Variants in CACNA2D4 observed in about 807,000 individuals in gnomAD.
CACNA2D4 encodes the protein calcium voltage-gated channel auxiliary subunit alpha2delta 4.
In CACNA2D4, 157 loss-of-function variants were observed where a neutral mutation model predicts 163.8. The observed-to-expected ratio is 0.96, with a 90% CI of 0.84 to 1.09. The LOEUF is 1.09. CACNA2D4 is among the 50% of genes least tolerant of loss of function. The probability of loss-of-function intolerance (pLI) is 0.00; values close to 1 mark genes in which losing one functional copy is unlikely to be tolerated. For synonymous variants in CACNA2D4, 598 were observed against 586.9 expected (o/e 1.02, Z -0.27); for missense variants, 1,410 against 1,479.9 (o/e 0.95, Z 0.78).
At chr12:1,845,151 G>A (rs769388284) in intron 24 of CACNA2D4, among the ~76,000 whole-genome samples, 3 of 152,136 alleles carry the variant, frequency 2.0e-5, no homozygotes, top group African/African-American at 4.8e-5. Context: ...GGTTTTGAGA[G>A]TGACGGGCTC....
chr12:1,855,623 T>A (rs1865382708), intron 22 of CACNA2D4, among the ~76,000 whole-genome samples: 1 of 152,190 alleles, frequency 6.6e-6, no homozygotes, highest in African/African-American at 2.4e-5. Flanking sequence ...CTTGTGGAGA[T>A]GAGGACTTCT....
At chr12:1,797,722 T>G in intron 34 of CACNA2D4, 187 bp from the exon 35 acceptor site, 7 of 618,050 alleles carry the variant, frequency 1.1e-5, no homozygotes, top group Non-Finnish European at 8.7e-6. Flanking sequence ...CCGGAGTCTC[T>G]GGAGAGGGTG....
intron 18 of CACNA2D4, among the ~76,000 whole-genome samples, chr12:1,861,092 T>C (rs1335401707): frequency 6.6e-6 from 1 of 152,240 alleles, no homozygotes; most frequent in Non-Finnish European, 1.5e-5. Flanking sequence ...CATTTTGCAG[T>C]TGGCCCAGGA....
chr12:1,843,066 G>C lies in CACNA2D4; in HGVS notation c.2470+1336C>G, dbSNP rs902576872. Among the ~76,000 whole-genome samples, 3 of 152,196 alleles carry C rather than the reference G, an allele frequency of 2.0e-5. No individual in the cohort carries two copies. Among genetic ancestry groups the C allele is most frequent in the Admixed American group, 2.0e-4 (3 of 15,276 alleles). On this transcript the variant is annotated intron_variant, in intron 25 of 37. Transcript: ENST00000382722. The surrounding 1 kb of genome is among the most constrained non-coding windows in gnomAD (Gnocchi z 4.6). ...CTCCTTGTGTAAGTTGAGGGATAAT[G>C]ACGGCACTTATCTCATGGGGTTGTC...
In CACNA2D4 at chr12:1,793,695, GGCA is replaced by G; in HGVS notation, c.3371_3373del (p.Leu1124del). The G allele has an allele frequency of 6.2e-7, 1 of 1,613,812 alleles. No individual in the cohort carries two copies. Among genetic ancestry groups the G allele is most frequent in the Non-Finnish European group, 8.5e-7 (1 of 1,179,902 alleles). On this transcript the variant is annotated inframe_deletion, in exon 38 of 38. Transcript: ENST00000382722. ...GGGCAGTAGCCCCCAGGCACACACA[GGCA>G]GCAGGAGTAGGGGCGGCGAGGCTGA...
At chr12:1,904,226 G>A (rs1176460368) in intron 6 of CACNA2D4, among the ~76,000 whole-genome samples, 1 of 151,946 alleles carries the variant, frequency 6.6e-6, no homozygotes, top group Non-Finnish European at 1.5e-5. Context: ...GCTGGGAAGG[G>A]TAGCGATGGG....
In CACNA2D4 at chr12:1,918,231, T is replaced by G; in HGVS notation, c.227+16A>C. 1 of 1,580,346 alleles carries G rather than the reference T, an allele frequency of 6.3e-7. No homozygotes were observed. The highest frequency in any genetic ancestry group is 1.3e-5 in the African/African-American group (1 of 74,110). On this transcript the variant is annotated intron_variant, in intron 1 of 37. Transcript: ENST00000382722. The stretch of plus-strand genomic sequence containing the variant: ...GGTGACCGGGTTTTTGGGGTGGGGT[T>G]GAACGTGATGCTTACGTTTCCAGAG...
At chr12:1,895,255 T>C (rs952842482) in intron 6 of CACNA2D4, among the ~76,000 whole-genome samples, 1 of 152,106 alleles carries the variant, frequency 6.6e-6, no homozygotes, top group African/African-American at 2.4e-5. Flanking sequence ...AGATTTTATG[T>C]TTATGGACTG....
chr12:1,812,508 A>T (rs1268523423), intron 26 of CACNA2D4, among the ~76,000 whole-genome samples: 4 of 152,266 alleles, frequency 2.6e-5, no homozygotes, highest in African/African-American at 7.2e-5. Context: ...ATTGAAAAGA[A>T]GAAGAATTTC....
chr12:1,840,287 C>T (rs982161065), intron 26 of CACNA2D4, among the ~76,000 whole-genome samples: 3 of 148,618 alleles, frequency 2.0e-5, no homozygotes, highest in Non-Finnish European at 3.0e-5. Flanking sequence ...GAGCTCTGCC[C>T]GCCAGCCTTT....
chr12:1,906,406 T>C (rs1428758161), intron 6 of CACNA2D4, among the ~76,000 whole-genome samples: 1 of 152,196 alleles, frequency 6.6e-6, no homozygotes, highest in African/African-American at 2.4e-5. Context: ...AGAAATTATT[T>C]GCAAATCACA....
rs1054180053 is a variant in CACNA2D4, at chr12:1,843,820, G to T, written c.2470+582C>A. On this transcript the variant is annotated intron_variant, in intron 25 of 37. Transcript: ENST00000382722. This position sits in a 1 kb window ranked among gnomAD's most constrained non-coding sequence, Gnocchi z 4.6. Reference sequence around the variant, plus strand: ...TGGTCCCTGGCCGTGCAGGGATTTTGTGGTTGCCTCATACCCCACCCTCCC... The same window carrying T: ...TGGTCCCTGGCCGTGCAGGGATTTTTTGGTTGCCTCATACCCCACCCTCCC... Among the ~76,000 whole-genome samples the T allele has an allele frequency of 1.1e-4, 16 of 152,160 alleles. No individual in the cohort carries two copies. The highest frequency in any genetic ancestry group is 9.2e-4 in the Admixed American group (14 of 15,278).
At position 1,844,178 on chromosome 12, in the gene CACNA2D4, A is replaced by G. The variant is rs1040719708; in HGVS notation, c.2470+224T>C. ...ACTTTGATGGCTGGCTAGGGAATCA[A>G]ATGATCAGGCTCACCTTCAGCGTGG... On this transcript the variant is annotated intron_variant, in intron 25 of 37. Transcript: ENST00000382722. This position sits in a 1 kb window ranked among gnomAD's most constrained non-coding sequence, Gnocchi z 4.2. Among the ~76,000 whole-genome samples, 2 of 152,188 alleles carry G rather than the reference A, an allele frequency of 1.3e-5. No individual in the cohort carries two copies. The highest frequency in any genetic ancestry group is 3.8e-4 in the East Asian group (2 of 5,200).
chr12:1,808,871 C>G, intron 29 of CACNA2D4, among the ~76,000 whole-genome samples: 1 of 152,182 alleles, frequency 6.6e-6, no homozygotes, highest in East Asian at 1.9e-4. Context: ...GTCCGGTGCT[C>G]TGTCTGGGGA....
chr12:1,858,266 G>C (rs777841772), intron 20 of CACNA2D4, among the ~76,000 whole-genome samples: 82 of 152,150 alleles, frequency 5.4e-4, no homozygotes, highest in Non-Finnish European at 9.7e-4. Flanking sequence ...TTTCAGCTTT[G>C]AGCTTTGTTT....
At chr12:1,890,344 T>C (rs1179048938) in intron 6 of CACNA2D4, among the ~76,000 whole-genome samples, 3 of 152,152 alleles carry the variant, frequency 2.0e-5, no homozygotes, top group Non-Finnish European at 2.9e-5. Context: ...GATCTTCATA[T>C]CCCTGGAGAA....
rs538094575 is a variant in CACNA2D4 at position 1,860,321 on chromosome 12, T to G, written c.1879-115A>C. 22 of 745,010 alleles carry G rather than the reference T, an allele frequency of 3.0e-5. 1 individual carries two copies. Among genetic ancestry groups the G allele is most frequent in the South Asian group, 2.8e-4 (19 of 66,950 alleles). 46.1% of individuals were successfully genotyped at this position (745,010 alleles called of 1,614,324 possible). A position where few individuals can be genotyped will look rare whatever the true frequency, so the allele number is the denominator to read the frequency against. On this transcript the variant is annotated intron_variant, in intron 18 of 37. Transcript: ENST00000382722. ...GTCACTGTACAGTCCCTCCGCCTTC[T>G]TGTCTCCTCCCTGACCAGCCCCTAC...
chr12:1,842,947 G>A (rs992794802), intron 25 of CACNA2D4, among the ~76,000 whole-genome samples: 3 of 152,130 alleles, frequency 2.0e-5, no homozygotes, highest in African/African-American at 7.2e-5. Context: ...GTGTGGTAAC[G>A]GGGCCTGGGC....
In CACNA2D4 at chr12:1,801,229, C is replaced by G. The variant is rs1166246638; in HGVS notation, c.2793-111G>C. The G allele has an allele frequency of 2.0e-5, 17 of 847,182 alleles. No individual in the cohort carries two copies. The East Asian group carries it at 4.3e-4, about 21-fold the overall frequency. The allele number at this position is 847,182 out of a possible 1,614,324, so 52.5% of individuals were successfully genotyped here. A position where few individuals can be genotyped will look rare whatever the true frequency, so the allele number is the denominator to read the frequency against. On this transcript the variant is annotated intron_variant, in intron 30 of 37. Coordinates refer to ENST00000382722, the MANE Select transcript of CACNA2D4 (RefSeq NM_172364.5). ...CGTTTACCGCAATTCCCAAGGGCGC[C>G]TGAGCTAGGACAGCAGATCAGAATA...
Sources: allele counts gnomAD v4.1 joint callset (sites outside exome capture counted in the v4.1 genomes callset), GRCh38; gene constraint gnomAD v4.1.1; non-coding constraint Gnocchi (gnomAD v3.1); transcripts MANE v1.5; gene names NCBI Gene and HGNC (gene_info 2026-07-23, HGNC 2026-07-21).